Variants in DCAF8L2 observed in about 807,000 individuals in gnomAD.
DCAF8L2 encodes DDB1 and CUL4 associated factor 8 like 2.
For missense variants in DCAF8L2, 430 were observed against 490.7 expected (o/e 0.88, Z 1.17); for synonymous variants, 200 against 190.9 (o/e 1.05, Z -0.39).
chrX:27,568,210 T>G, the DCAF8L2 span, among the ~76,000 whole-genome samples: 1 of 111,748 alleles, frequency 8.9e-6, no homozygotes, highest in Non-Finnish European at 1.9e-5. Context: ...TAAAATTTTT[T>G]TTTGGAAATG....
chrX:27,551,977 C>T, the DCAF8L2 span, among the ~76,000 whole-genome samples: 20 of 111,843 alleles, frequency 1.8e-4, no homozygotes, highest in African/African-American at 5.2e-4. Context: ...TCCCTTTCTC[C>T]GCATCTTTGC....
At chrX:27,621,553 C>T (rs928297797) in intron 1 of DCAF8L2, among the ~76,000 whole-genome samples, 9 of 111,465 alleles carry the variant, frequency 8.1e-5, no homozygotes, top group Non-Finnish European at 1.5e-4. Flanking sequence ...ATAAAATAGG[C>T]TCAAATCATT....
At chrX:27,694,592 A>G (rs1401051317) in intron 3 of DCAF8L2, among the ~76,000 whole-genome samples, 1 of 111,205 alleles carries the variant, frequency 9.0e-6, no homozygotes, top group African/African-American at 3.3e-5. Context: ...ATCAAGTAAT[A>G]ACTACTGCCA....
the DCAF8L2 span, among the ~76,000 whole-genome samples, chrX:27,533,308 G>A: frequency 1.8e-5 from 2 of 108,263 alleles, no homozygotes; most frequent in South Asian, 8.7e-4. Flanking sequence ...CGGGAGCCTG[G>A]GGCAGGAGGA....
chrX:27,516,343 T>C, the DCAF8L2 span, among the ~76,000 whole-genome samples: 8 of 110,953 alleles, frequency 7.2e-5, no homozygotes, highest in Admixed American at 1.9e-4. Context: ...AGTTAGATAC[T>C]GGAAAAAAAT....
At chrX:27,606,382 T>TATATATATATATATATATATATATATA (rs1358332870) in intron 1 of DCAF8L2, among the ~76,000 whole-genome samples, 18 of 81,099 alleles carry the variant, frequency 2.2e-4, no homozygotes, top group South Asian at 5.6e-4. Context: ...TATATATATA[T>TATATATATATATATATATATATATATA]TCTTTTGAGA....
chrX:27,482,157 A>G, the DCAF8L2 span, among the ~76,000 whole-genome samples: 1 of 111,681 alleles, frequency 9.0e-6, no homozygotes, highest in East Asian at 2.8e-4. Context: ...GCCTTTCTAA[A>G]TGATACCAAA....
At chrX:27,546,257 C>G in the DCAF8L2 span, among the ~76,000 whole-genome samples, 2 of 111,942 alleles carry the variant, frequency 1.8e-5, no homozygotes, top group African/African-American at 6.5e-5. Flanking sequence ...GTCTCACATC[C>G]AGTTAATGCT....
At chrX:27,547,881 C>CTCTT in the DCAF8L2 span, among the ~76,000 whole-genome samples, 3 of 60,504 alleles carry the variant, frequency 5.0e-5, no homozygotes, top group African/African-American at 2.0e-4. Flanking sequence ...TTCTCTCTCT[C>CTCTT]TCTCTCTCTT....
At position 27,604,059 on chromosome X, in the gene DCAF8L2, G is replaced by T. The variant is rs139468642; in HGVS notation, c.-342+13619G>T. Among the ~76,000 whole-genome samples, 346 of 111,093 alleles carry T rather than the reference G, an allele frequency of 3.1e-3. 1 individual carries two copies. The highest frequency in any genetic ancestry group is 0.011 in the African/African-American group (332 of 30,665). ...ACTCTCTGATATCTCATATTTGACA[G>T]CAGCAGTACACTTTTACTGAATCCT... On this transcript the variant is annotated intron_variant, in intron 1 of 4. Coordinates refer to ENST00000451261, the MANE Select transcript of DCAF8L2 (RefSeq NM_001353450.2).
the DCAF8L2 span, among the ~76,000 whole-genome samples, chrX:27,581,171 A>G: frequency 2.7e-5 from 3 of 112,119 alleles, no homozygotes; most frequent in African/African-American, 9.7e-5. Flanking sequence ...ACTCAGTTCT[A>G]TACAGCCATA....
the DCAF8L2 span, among the ~76,000 whole-genome samples, chrX:27,579,825 G>A: frequency 9.1e-6 from 1 of 109,937 alleles, no homozygotes; most frequent in Non-Finnish European, 1.9e-5. Context: ...AGAGCCAGAT[G>A]TAGAGATTTT....
intron 3 of DCAF8L2, among the ~76,000 whole-genome samples, chrX:27,706,335 T>C (rs1207078242): frequency 4.5e-5 from 5 of 111,160 alleles, no homozygotes. Flanking sequence ...ATACTTTTTT[T>C]TTCTAATTTT....
At chrX:27,645,019 G>C (rs1260433633) in intron 2 of DCAF8L2, among the ~76,000 whole-genome samples, 1 of 112,188 alleles carries the variant, frequency 8.9e-6, no homozygotes, top group Non-Finnish European at 1.9e-5. Context: ...GCCTCCTAAA[G>C]TGCTGGGATT....
chrX:27,498,946 A>G, the DCAF8L2 span, among the ~76,000 whole-genome samples: 1 of 112,005 alleles, frequency 8.9e-6, no homozygotes, highest in African/African-American at 3.2e-5. Flanking sequence ...GTGTGTGTGT[A>G]TATCTTTTCT....
intron 4 of DCAF8L2, among the ~76,000 whole-genome samples, chrX:27,746,589 G>A (rs1922174317): frequency 9.0e-6 from 1 of 111,682 alleles, no homozygotes; most frequent in Admixed American, 9.5e-5. Context: ...TCAAAAACCC[G>A]CAGCTACTCA....
At chrX:27,684,839 C>T (rs967008854) in intron 3 of DCAF8L2, among the ~76,000 whole-genome samples, 8 of 111,580 alleles carry the variant, frequency 7.2e-5, no homozygotes, top group African/African-American at 2.6e-4. Context: ...ATTTTAGTGA[C>T]CCAATGCTCA....
intron 4 of DCAF8L2, among the ~76,000 whole-genome samples, chrX:27,721,991 G>A (rs1484351459): frequency 9.0e-6 from 1 of 111,606 alleles, no homozygotes; most frequent in Non-Finnish European, 1.9e-5. Flanking sequence ...ACCTATTCAT[G>A]AGTACATAGA....
chrX:27,502,335 A>ATATATATAT, the DCAF8L2 span, among the ~76,000 whole-genome samples: 5 of 12,708 alleles, frequency 3.9e-4, no homozygotes, highest in Admixed American at 1.8e-3. Flanking sequence ...AAAAAAAAAA[A>ATATATATAT]ATATATATAT....
Sources: allele counts gnomAD v4.1 joint callset (sites outside exome capture counted in the v4.1 genomes callset), GRCh38; gene constraint gnomAD v4.1.1; transcripts MANE v1.5; gene names NCBI Gene and HGNC (gene_info 2026-07-23, HGNC 2026-07-21).